The following BBS9 variants were observed in gnomAD, a reference collection of about 807,000 sequenced individuals.
BBS9 encodes protein PTHB1.
A neutral mutation model predicts 117.7 loss-of-function variants in BBS9; 89 were observed. That is an observed-to-expected ratio of 0.76 (90% CI 0.64 to 0.90). The LOEUF is 0.90. Ranked by LOEUF, BBS9 falls within the 40% of genes least tolerant of loss-of-function variation. BBS9 has a pLI of 0.00. For missense variants in BBS9, 982 were observed against 1,042.2 expected (o/e 0.94, Z 0.80); for synonymous variants, 379 against 370.9 (o/e 1.02, Z -0.25).
chr7:33,164,299 T>C (rs144037701), intron 4 of BBS9, among the ~76,000 whole-genome samples: 2,574 of 152,330 alleles, frequency 0.017, 60 homozygotes, highest in African/African-American at 0.058. Context: ...GAGAAGAATG[T>C]ATACTCTGTT....
At chr7:33,193,680 G>C (rs144704385) in intron 5 of BBS9, among the ~76,000 whole-genome samples, 1 of 152,222 alleles carries the variant, frequency 6.6e-6, no homozygotes, top group Non-Finnish European at 1.5e-5. Context: ...AGAAGACATG[G>C]GGAGGAAGAA....
chr7:33,538,309 TATC>T (rs1400983711), intron 21 of BBS9, among the ~76,000 whole-genome samples: 8 of 152,222 alleles, frequency 5.3e-5, no homozygotes, highest in Admixed American at 2.0e-4. Context: ...TTGAAAAAGT[TATC>T]ATTTTGAGAT....
chr7:33,319,469 G>T (rs577353086), intron 9 of BBS9, among the ~76,000 whole-genome samples: 1 of 152,278 alleles, frequency 6.6e-6, no homozygotes, highest in East Asian at 1.9e-4. Context: ...AGGAATCTCT[G>T]CACTGGTTTC....
At chr7:33,594,308 G>T (rs1442814558) in intron 21 of BBS9, among the ~76,000 whole-genome samples, 2 of 152,064 alleles carry the variant, frequency 1.3e-5, no homozygotes, top group Non-Finnish European at 2.9e-5. Flanking sequence ...ATCAAAGTTG[G>T]TTATCAGGCA....
At chr7:33,164,663 T>G (rs1795384028) in intron 4 of BBS9, among the ~76,000 whole-genome samples, 1 of 152,202 alleles carries the variant, frequency 6.6e-6, no homozygotes, top group Non-Finnish European at 1.5e-5. Context: ...CCCTGCTTTT[T>G]TTTGTTTTCC....
intron 21 of BBS9, among the ~76,000 whole-genome samples, chr7:33,576,026 A>C (rs1015406179): frequency 6.6e-6 from 1 of 152,142 alleles, no homozygotes. Flanking sequence ...CACCTCTCCT[A>C]TTCAATGTAG....
At chr7:33,431,031 A>G (rs1834367567) in intron 19 of BBS9, among the ~76,000 whole-genome samples, 1 of 151,510 alleles carries the variant, frequency 6.6e-6, no homozygotes. Flanking sequence ...TCTGTGAGAA[A>G]AAAAAAAAAA....
Position 33,363,934 on chromosome 7 carries a change from A to AT in BBS9, c.1694-3822dup, listed in dbSNP as rs1358313123. ...TATATTATCTTTTCACTATATTTTT[A>AT]TTTTTTTTTTTATTTTTTATTTTTT... On this transcript the variant is annotated intron_variant, in intron 16 of 22. Transcript: ENST00000242067. Among the ~76,000 whole-genome samples the AT allele has an allele frequency of 2.9e-4, 29 of 100,088 alleles. 7 individuals are homozygous for AT. The highest frequency in any genetic ancestry group is 7.1e-4 in the Admixed American group (8 of 11,214). The allele number at this position is 100,088 out of a possible 152,430, so 65.7% of individuals were successfully genotyped here.
rs538162532 is a variant in BBS9, at chr7:33,400,343, C to T, written c.2115+12199C>T. 5.3e-5 allele frequency among the ~76,000 whole-genome samples: 8 copies of T among 152,182 alleles called. No individual in the cohort carries two copies. In the East Asian group the frequency reaches 1.2e-3, roughly 22 times the overall value. ...AAATGAAAATCTTATCTTTTTGTGT[C>T]AGTGATGACAGAAAAATACATAAGT... is the stretch of plus-strand genomic sequence containing the variant. On this transcript the variant is annotated intron_variant, in intron 19 of 22. Coordinates refer to ENST00000242067, the MANE Select transcript of BBS9 (RefSeq NM_198428.3).
intron 5 of BBS9, among the ~76,000 whole-genome samples, chr7:33,254,744 A>C (rs548368043): frequency 2.0e-5 from 3 of 152,274 alleles, no homozygotes; most frequent in Admixed American, 2.0e-4. Flanking sequence ...TACACGTATG[A>C]GTGAGATCAT....
chr7:33,208,666 A>G (rs955150558), intron 5 of BBS9, among the ~76,000 whole-genome samples: 1 of 152,146 alleles, frequency 6.6e-6, no homozygotes, highest in African/African-American at 2.4e-5. Flanking sequence ...TTTCTTCTAC[A>G]TATGGTGAAG....
intron 1 of BBS9, among the ~76,000 whole-genome samples, chr7:33,136,584 G>C (rs1790499598): frequency 6.6e-6 from 1 of 152,166 alleles, no homozygotes. Context: ...TTATGGAGGT[G>C]ATCAAGTGGC....
chr7:33,374,139 T>C (rs1473723741), intron 17 of BBS9, among the ~76,000 whole-genome samples: 1 of 152,162 alleles, frequency 6.6e-6, no homozygotes, highest in African/African-American at 2.4e-5. Context: ...TTTAGTGCTG[T>C]TATATCCCAA....
chr7:33,353,740 C>T (rs1322361348), intron 15 of BBS9, among the ~76,000 whole-genome samples: 1 of 151,678 alleles, frequency 6.6e-6, no homozygotes, highest in Non-Finnish European at 1.5e-5. Context: ...TTACTAATGC[C>T]GTTTGGGTGA....
chr7:33,505,805 C>A, intron 20 of BBS9, 160 bp downstream of exon 20: 1 of 757,442 alleles, frequency 1.3e-6, no homozygotes, highest in Non-Finnish European at 2.1e-6. Context: ...ATAAAAATGT[C>A]AAACAAAGGC....
chr7:33,379,726 TG>T (rs1824597999), intron 17 of BBS9, among the ~76,000 whole-genome samples: 3 of 152,184 alleles, frequency 2.0e-5, no homozygotes, highest in Admixed American at 1.3e-4. Flanking sequence ...TATAATAAAT[TG>T]GGGAAAGTAA....
intron 19 of BBS9, among the ~76,000 whole-genome samples, chr7:33,484,811 A>G (rs1340766246): frequency 6.6e-6 from 1 of 152,244 alleles, no homozygotes; most frequent in Non-Finnish European, 1.5e-5. Context: ...CCAAAGGAAT[A>G]TAACTCCTTC....
chr7:33,305,803 T>TA (rs1364051136), intron 9 of BBS9, among the ~76,000 whole-genome samples: 1 of 152,144 alleles, frequency 6.6e-6, no homozygotes, highest in African/African-American at 2.4e-5. Flanking sequence ...CTTTTTTTCT[T>TA]ACGCTGGCTG....
chr7:33,138,256 GATAC>G (rs1330001520), intron 1 of BBS9, among the ~76,000 whole-genome samples: 7 of 147,048 alleles, frequency 4.8e-5, no homozygotes, highest in Non-Finnish European at 1.5e-5. Flanking sequence ...CTGATTGATG[GATAC>G]TTTCCAGCTG....
Sources: allele counts gnomAD v4.1 joint callset (sites outside exome capture counted in the v4.1 genomes callset), GRCh38; gene constraint gnomAD v4.1.1; transcripts MANE v1.5; gene names NCBI Gene and HGNC (gene_info 2026-07-23, HGNC 2026-07-21).